LMAN1L: variants seen among roughly 807,000 people sequenced by gnomAD.
LMAN1L encodes lectin, mannose binding 1 like.
Under a neutral mutation model 58.3 loss-of-function variants are expected in LMAN1L, and 60 were observed. The observed-to-expected ratio is 1.03, with a 90% CI of 0.84 to 1.27. The LOEUF is 1.27. Ranked by LOEUF, LMAN1L falls within the 50% of genes most tolerant of loss-of-function variation. The probability of loss-of-function intolerance (pLI) is 0.00; values close to 1 mark genes in which losing one functional copy is unlikely to be tolerated. For synonymous variants in LMAN1L, 280 were observed against 271.6 expected (o/e 1.03, Z -0.31); for missense variants, 629 against 674.0 (o/e 0.93, Z 0.74).
chr15:74,824,693 G>A (rs1203058209), intron 13 of LMAN1L: 6 of 538,568 alleles, frequency 1.1e-5, no homozygotes, highest in African/African-American at 1.9e-5. Context: ...CTGCTCTCAC[G>A]GAGCTCACTC....
intron 8 of LMAN1L, 109 bp downstream of exon 8, chr15:74,820,876 C>A: frequency 1.4e-6 from 2 of 1,452,278 alleles, no homozygotes; most frequent in Non-Finnish European, 1.9e-6. Context: ...CCTGAGGAGG[C>A]CACATCTAAG....
intron 1 of LMAN1L, among the ~76,000 whole-genome samples, chr15:74,815,738 G>T (rs1390706482): frequency 6.6e-6 from 1 of 152,154 alleles, no homozygotes; most frequent in African/African-American, 2.4e-5. Flanking sequence ...TTGTCACAAG[G>T]CCTCAGTTTC....
Position 74,824,357 on chromosome 15 carries a change from G to C in LMAN1L, c.1330G>C (p.Ala444Pro). ...QEELRGPAKA[A>P]AKAPRPPGQP... Reference sequence around the variant, plus strand: ...TTAGACTTTCCCCTTTCAGAAGGCAGCAGCCAAGGCCCCCCGCCCACCTGG... The same window carrying C: ...TTAGACTTTCCCCTTTCAGAAGGCACCAGCCAAGGCCCCCCGCCCACCTGG... Residue 444 changes from alanine (A) to proline (P), a missense_variant, in exon 13 of 14, where the codon GCA becomes CCA. This residue lies in a region of LMAN1L where 573 missense variants were observed against 597.3 expected (regional missense o/e 0.96). Coordinates refer to ENST00000309664, the MANE Select transcript of LMAN1L (RefSeq NM_021819.3). 1 of 1,613,772 alleles carries C rather than the reference G, an allele frequency of 6.2e-7. No homozygotes were observed. The highest frequency in any genetic ancestry group is 1.1e-5 in the South Asian group (1 of 91,034).
At chr15:74,814,972 G>A (rs901264351) in intron 1 of LMAN1L, among the ~76,000 whole-genome samples, 2 of 152,204 alleles carry the variant, frequency 1.3e-5, no homozygotes, top group African/African-American at 4.8e-5. Context: ...TCACTGCTAT[G>A]GGCCTTGCCA....
rs571923873 is a variant in LMAN1L at position 74,821,273 on chromosome 15, G to A, written c.1059+47G>A. The A allele has an allele frequency of 4.3e-5, 66 of 1,541,048 alleles. No homozygotes were observed. The African/African-American group carries it at 7.7e-4, about 18-fold the overall frequency. On this transcript the variant is annotated intron_variant, in intron 9 of 13. Transcript: ENST00000309664. ...CAAGGCTCCACCTGCGGGCCTGAAA[G>A]AGGAGCAAGCACTGTAGTCAGCAAC...
At chr15:74,822,196 AATACAAAAATT>A (rs1330182914) in intron 10 of LMAN1L, among the ~76,000 whole-genome samples, 1 of 152,078 alleles carries the variant, frequency 6.6e-6, no homozygotes, top group East Asian at 1.9e-4. Flanking sequence ...CTCTACTGAA[AATACAAAAATT>A]ATACAAAAAT....
chr15:74,815,208 A>T (rs945876104), intron 1 of LMAN1L, among the ~76,000 whole-genome samples: 4 of 152,194 alleles, frequency 2.6e-5, no homozygotes, highest in African/African-American at 9.7e-5. Context: ...AGAGGCAGTG[A>T]CAGCTTCCAG....
chr15:74,823,481 G>T, intron 11 of LMAN1L, 78 bp from the exon 12 acceptor site: 1 of 1,533,606 alleles, frequency 6.5e-7, no homozygotes. Context: ...CCCTTGGGGA[G>T]ATGGGAAATG....
intron 1 of LMAN1L, 117 bp from the exon 2 acceptor site, chr15:74,816,040 T>C (rs1656966818): frequency 3.9e-6 from 5 of 1,270,308 alleles, no homozygotes; most frequent in African/African-American, 1.5e-5. Context: ...GCTTATTTAA[T>C]GGTAGGCCTT....
Position 74,818,817 on chromosome 15 carries a change from CG to C in LMAN1L, c.597+1del. The C allele has an allele frequency of 6.2e-7, 1 of 1,605,056 alleles. No individual in the cohort carries two copies. The highest frequency in any genetic ancestry group is 8.5e-7 in the Non-Finnish European group (1 of 1,175,988). ...TCACCTACTGGGGGCAGAGGCTGCG[CG>C]TGAGTCACCCTTCCTGCTTCTGACA... is the stretch of plus-strand genomic sequence containing the variant. On this transcript the variant is annotated splice_donor_variant, in intron 5 of 13. Transcript: ENST00000309664. LOFTEE classifies it high-confidence loss of function.
chr15:74,821,657 C>T (rs963998498), intron 9 of LMAN1L, among the ~76,000 whole-genome samples, 172 bp from the exon 10 acceptor site: 2 of 152,168 alleles, frequency 1.3e-5, no homozygotes, highest in Non-Finnish European at 2.9e-5. Flanking sequence ...TAAACTCAGC[C>T]AAGGTGTTAG....
At chr15:74,818,632 T>C in intron 4 of LMAN1L, 86 bp from the exon 5 acceptor site, 2 of 981,098 alleles carry the variant, frequency 2.0e-6, no homozygotes, top group East Asian at 2.6e-5. Flanking sequence ...AGGCAGAAGT[T>C]GCAATGAGCC....
chr15:74,824,483 G>A lies in LMAN1L; in HGVS notation c.1451+5G>A. Reference sequence around the variant, plus strand: ...CTTCGGCTACGTGCACTTCAGGTGGGCCACCCCGTGAGCAGGATTTCCCAC... The same window carrying A: ...CTTCGGCTACGTGCACTTCAGGTGGACCACCCCGTGAGCAGGATTTCCCAC... On this transcript the variant is annotated splice_donor_5th_base_variant and intron_variant, in intron 13 of 13. Transcript: ENST00000309664. 2 of 1,614,064 alleles carry A rather than the reference G, an allele frequency of 1.2e-6. No individual in the cohort carries two copies. The highest frequency in any genetic ancestry group is 1.7e-6 in the Non-Finnish European group (2 of 1,179,960).
At chr15:74,813,220 C>A in intron 1 of LMAN1L, 191 bp downstream of exon 1, 1 of 671,600 alleles carries the variant, frequency 1.5e-6, no homozygotes, top group South Asian at 1.7e-5. Flanking sequence ...ACCCCCCACC[C>A]CTGCCCAAGC....
chr15:74,821,781 G>A (rs866343873), intron 9 of LMAN1L, 48 bp from the exon 10 acceptor site: 2 of 1,257,618 alleles, frequency 1.6e-6, no homozygotes, highest in Non-Finnish European at 1.2e-6. Context: ...GGGGAAGAGG[G>A]GAGGGGACTT....
chr15:74,824,770 G>T, intron 13 of LMAN1L: 1 of 321,102 alleles, frequency 3.1e-6, no homozygotes, highest in South Asian at 7.2e-5. Context: ...CTACGAGAGT[G>T]CAGGAGAACA....
chr15:74,822,454 G>T (rs1054180366), intron 10 of LMAN1L, among the ~76,000 whole-genome samples, 188 bp from the exon 11 acceptor site: 3 of 152,200 alleles, frequency 2.0e-5, no homozygotes, highest in Admixed American at 6.5e-5. Flanking sequence ...GGAGAGGGGC[G>T]TGAGTGGAGG....
intron 13 of LMAN1L, 160 bp from the exon 14 acceptor site, chr15:74,825,316 G>A: frequency 2.8e-6 from 2 of 720,760 alleles, no homozygotes; most frequent in Non-Finnish European, 4.7e-6. Context: ...CAGGGGGAAA[G>A]CGTGGACCAT....
intron 1 of LMAN1L, among the ~76,000 whole-genome samples, chr15:74,814,808 C>G (rs2063883591): frequency 6.6e-6 from 1 of 152,182 alleles, no homozygotes; most frequent in African/African-American, 2.4e-5. Flanking sequence ...CGCGCCCAGC[C>G]CAAAATATTC....
Sources: allele counts gnomAD v4.1 joint callset (sites outside exome capture counted in the v4.1 genomes callset), GRCh38; gene constraint gnomAD v4.1.1; regional missense constraint gnomAD v4.1.1; transcripts MANE v1.5; gene names NCBI Gene and HGNC (gene_info 2026-07-23, HGNC 2026-07-21).